Variants in CPNE4 observed in about 807,000 individuals in gnomAD.
CPNE4 encodes copine 4, also known as copine-4.
A neutral mutation model predicts 67.9 loss-of-function variants in CPNE4; 25 were observed. That is an observed-to-expected ratio of 0.37 (90% CI 0.27 to 0.51). CPNE4 has a LOEUF of 0.51. Among genes scored for constraint, CPNE4 ranks in the 20% least tolerant of loss-of-function variants. The pLI is 0.93. For synonymous variants in CPNE4, 242 were observed against 244.9 expected (o/e 0.99, Z 0.11); for missense variants, 464 against 690.8 (o/e 0.67, Z 3.68).
chr3:131,937,783 A>G (rs944890070), intron 1 of CPNE4, among the ~76,000 whole-genome samples: 1 of 152,106 alleles, frequency 6.6e-6, no homozygotes, highest in African/African-American at 2.4e-5. Context: ...AAACCATATC[A>G]TTTAAAATTG....
chr3:131,978,669 T>C (rs911517050), intron 1 of CPNE4, among the ~76,000 whole-genome samples: 3 of 146,240 alleles, frequency 2.1e-5, no homozygotes, highest in African/African-American at 7.6e-5. Context: ...TTACCTTTTG[T>C]ATTTTTTTGT....
rs144227589 is a variant in CPNE4 at position 131,553,160 on chromosome 3, A to T, written c.1117-669T>A. ...TTTCTTTCCGAAAACCTGATAAAAC[A>T]AGATAGATGTTCTGGCATCTGGACA... On this transcript the variant is annotated intron_variant, in intron 12 of 15. Coordinates refer to ENST00000429747, the MANE Select transcript of CPNE4 (RefSeq NM_130808.3). 4.9e-3 allele frequency among the ~76,000 whole-genome samples: 753 copies of T among 152,258 alleles called. 6 individuals are homozygous for T. The highest frequency in any genetic ancestry group is 0.041 in the South Asian group (199 of 4,828).
intron 2 of CPNE4, among the ~76,000 whole-genome samples, chr3:131,771,344 T>C (rs1431237267): frequency 6.6e-6 from 1 of 152,142 alleles, no homozygotes; most frequent in African/African-American, 2.4e-5. Flanking sequence ...AAACCTCATG[T>C]TGAAACTCGA....
intron 1 of CPNE4, among the ~76,000 whole-genome samples, chr3:131,921,316 T>C (rs1027011091): frequency 9.2e-5 from 14 of 152,174 alleles, no homozygotes; most frequent in African/African-American, 3.4e-4. Context: ...AGCAAATAAG[T>C]TTCACAGATA....
At position 131,723,519 on chromosome 3, in the gene CPNE4, T is replaced by C. The variant is rs769579181; in HGVS notation, c.287A>G (p.His96Arg). ...EEVQRLRFEV[H>R]DISSNHNGLK... ...CCCATTGTGGTTGCTGCTGATGTCATGGACTTCAAACCGCAGGCGCTGCAC... is the reference window on the plus strand; with the variant it reads ...CCCATTGTGGTTGCTGCTGATGTCACGGACTTCAAACCGCAGGCGCTGCAC... Residue 96 changes from histidine (H) to arginine (R), a missense_variant, in exon 3 of 16, where the codon CAT (histidine) becomes CGT (arginine). Physicochemically the swap from His to Arg is conservative, Grantham distance 29. Transcript: ENST00000429747. 3 of 1,614,044 alleles carry C rather than the reference T, an allele frequency of 1.9e-6. No homozygotes were observed. The highest frequency in any genetic ancestry group is 1.7e-6 in the Non-Finnish European group (2 of 1,180,028).
At chr3:131,974,529 C>T (rs548985543) in intron 1 of CPNE4, among the ~76,000 whole-genome samples, 9 of 152,168 alleles carry the variant, frequency 5.9e-5, no homozygotes, top group Admixed American at 1.3e-4. Flanking sequence ...AGATACCAAG[C>T]AGCATCTACC....
chr3:131,633,084 T>C (rs1347350341), intron 7 of CPNE4, among the ~76,000 whole-genome samples: 1 of 152,198 alleles, frequency 6.6e-6, no homozygotes, highest in Non-Finnish European at 1.5e-5. Context: ...TATCTCTACC[T>C]TCCAGTTGCT....
chr3:131,629,665 G>A (rs1195706265), intron 7 of CPNE4, among the ~76,000 whole-genome samples: 1 of 152,080 alleles, frequency 6.6e-6, no homozygotes, highest in Admixed American at 6.5e-5. Context: ...GGCTGGTCTC[G>A]AACTCCTGGC....
At chr3:131,977,393 C>T (rs569785644) in intron 1 of CPNE4, among the ~76,000 whole-genome samples, 85 of 152,232 alleles carry the variant, frequency 5.6e-4, no homozygotes, top group South Asian at 4.8e-3. Context: ...GCACCTTCTC[C>T]TTTCAGGGTT....
At chr3:131,612,672 C>G (rs912258277) in intron 7 of CPNE4, among the ~76,000 whole-genome samples, 1 of 152,202 alleles carries the variant, frequency 6.6e-6, no homozygotes, top group Admixed American at 6.5e-5. Flanking sequence ...TTATCTTCAT[C>G]CATGCAAGAC....
At chr3:131,700,710 G>A (rs7428861) in intron 3 of CPNE4, among the ~76,000 whole-genome samples, 44,156 of 152,068 alleles carry the variant, frequency 0.29, 6,662 homozygotes, top group Middle Eastern at 0.33. Flanking sequence ...TCTAGAACTA[G>A]AAATACCATT....
chr3:131,610,454 G>A (rs1392432047), intron 7 of CPNE4, among the ~76,000 whole-genome samples: 1 of 152,146 alleles, frequency 6.6e-6, no homozygotes. Context: ...CTTTGTTGGA[G>A]GGCTGTCCTG....
chr3:131,566,516 T>C (rs1381587119), intron 10 of CPNE4, among the ~76,000 whole-genome samples: 2 of 151,352 alleles, frequency 1.3e-5, no homozygotes, highest in Non-Finnish European at 2.9e-5. Flanking sequence ...GGAACCTACA[T>C]GCATTTTCTG....
At chr3:131,781,547 A>G (rs963959004) in intron 2 of CPNE4, among the ~76,000 whole-genome samples, 1 of 152,172 alleles carries the variant, frequency 6.6e-6, no homozygotes, top group Non-Finnish European at 1.5e-5. Context: ...AAAGATTGAA[A>G]TATGACTGAA....
In CPNE4 at chr3:131,554,343, A is replaced by G. The variant is rs113540292; in HGVS notation, c.1116+1154T>C. On this transcript the variant is annotated intron_variant, in intron 12 of 15. Coordinates refer to ENST00000429747, the MANE Select transcript of CPNE4 (RefSeq NM_130808.3). ...AGAGAAACCAGAAATCTGACATTTT[A>G]TATATGCAATTGCTGAATTCGTTTT... 4.7e-3 allele frequency among the ~76,000 whole-genome samples: 720 copies of G among 152,154 alleles called. 4 individuals are homozygous for G. Among genetic ancestry groups the G allele is most frequent in the African/African-American group, 0.015 (639 of 41,528 alleles).
chr3:131,595,104 A>G (rs116090249), intron 7 of CPNE4, among the ~76,000 whole-genome samples: 174 of 152,350 alleles, frequency 1.1e-3, no homozygotes, highest in African/African-American at 4.1e-3. Context: ...GAACCTTCGT[A>G]CATTGTTGTT....
At chr3:131,676,725 T>A (rs976105866) in intron 6 of CPNE4, among the ~76,000 whole-genome samples, 1 of 152,216 alleles carries the variant, frequency 6.6e-6, no homozygotes, top group African/African-American at 2.4e-5. Flanking sequence ...TTCTTTTTTA[T>A]GGCTGCATAG....
intron 2 of CPNE4, among the ~76,000 whole-genome samples, chr3:131,883,962 G>A (rs2087779885): frequency 6.7e-6 from 1 of 149,076 alleles, no homozygotes; most frequent in Admixed American, 6.8e-5. Flanking sequence ...AGATTTCTGT[G>A]CAGATATTCC....
chr3:131,868,743 C>T (rs1364665374), intron 2 of CPNE4, among the ~76,000 whole-genome samples: 1 of 152,110 alleles, frequency 6.6e-6, no homozygotes, highest in Non-Finnish European at 1.5e-5. Flanking sequence ...ATAATAGTAA[C>T]CATTGGCAGG....
Sources: gnomAD v4.1 joint callset for allele counts (sites outside exome capture counted in the v4.1 genomes callset) on GRCh38, gnomAD v4.1.1 for gene constraint, MANE v1.5 for transcripts, NCBI Gene and HGNC (gene_info 2026-07-23, HGNC 2026-07-21) for gene names.